Variants in ATP7B observed in about 807,000 individuals in gnomAD.
The protein encoded by ATP7B is ATPase copper transporting beta, also known as copper-transporting ATPase 2.
ATP7B carries 113 observed loss-of-function variants against 118.9 expected under a neutral mutation model. That is an observed-to-expected ratio of 0.95 (90% CI 0.82 to 1.11). The LOEUF (loss-of-function observed/expected upper bound fraction) is 1.11. Ranked by LOEUF, ATP7B falls within the 50% of genes most tolerant of loss-of-function variation. ATP7B has a pLI of 0.00. For synonymous variants in ATP7B, 777 were observed against 727.4 expected, an observed-to-expected ratio of 1.07 and a Z score of -1.10; for missense variants, 1,867 against 1,871.4, an observed-to-expected ratio of 1.00 and a Z score of 0.04.
At position 51,937,634 on chromosome 13, in the gene ATP7B, C is replaced by T; in HGVS notation, c.3745G>A (p.Val1249Met). Residue 1249 changes from valine (V) to methionine (M), a missense_variant, in exon 18 of 21, where the codon GTG (valine) becomes ATG (methionine). Physicochemically the swap from Val to Met is conservative, Grantham distance 21. Transcript: ENST00000242839. ...VFAEVLPSHK[V>M]AKVQELQNKG... ...TTCTGGAGCTCCTGGACCTTGGCCA[C>T]CTTGTGCGAAGGCAGCACCTCTGCA... The T allele has an allele frequency of 6.2e-7, 1 of 1,614,270 alleles. No homozygotes were observed. The highest frequency in any genetic ancestry group is 2.2e-5 in the East Asian group (1 of 44,886).
Position 51,946,332 on chromosome 13 carries a change from C to T in ATP7B, c.3012G>A (p.Gln1004=). 6.2e-7 allele frequency: 1 copy of T among 1,607,680 alleles called. No homozygotes were observed. The highest frequency in any genetic ancestry group is 8.5e-7 in the Non-Finnish European group (1 of 1,177,534). The change falls in exon 13 of 21, where the codon CAG becomes CAA. Residue 1004 remains glutamine, a synonymous_variant. Transcript: ENST00000242839. ...AVMVGTGVAA[Q]NGILIKGGKP... is the part of the protein sequence containing the mutation. ...TGCCTCCCTTGATGAGGATGCCGTT[C>T]TGCGCGGCCACCCCGGTGCCCACCA...
At chr13:51,980,463 G>A (rs1234556133) in intron 1 of ATP7B, among the ~76,000 whole-genome samples, 1 of 152,162 alleles carries the variant, frequency 6.6e-6, no homozygotes, top group African/African-American at 2.4e-5. Context: ...TTTGCTGAGA[G>A]TGCCAGGGCT....
At chr13:51,949,117 T>C (rs1055908304) in intron 12 of ATP7B, among the ~76,000 whole-genome samples, 2 of 151,778 alleles carry the variant, frequency 1.3e-5, no homozygotes, top group Non-Finnish European at 2.9e-5. Context: ...GAGGTGGAGG[T>C]TGCAGTGAAC....
Position 51,940,148 on chromosome 13 carries a change from G to T in ATP7B, c.3556+933C>A, listed in dbSNP as rs187468038. ...CTGCCTCAGCCTCCCAAGTAGCTGGGATTAGAGGCATGCGCCACCACACCC... is the reference window on the plus strand; with the variant it reads ...CTGCCTCAGCCTCCCAAGTAGCTGGTATTAGAGGCATGCGCCACCACACCC... On this transcript the variant is annotated intron_variant, in intron 16 of 20. Coordinates refer to ENST00000242839, the MANE Select transcript of ATP7B (RefSeq NM_000053.4). Among the ~76,000 whole-genome samples, 516 of 150,482 alleles carry T rather than the reference G, an allele frequency of 3.4e-3. 4 individuals carry two copies. Among genetic ancestry groups the T allele is most frequent in the African/African-American group, 0.01 (433 of 41,242 alleles).
chr13:51,939,149 C>T lies in ATP7B; in HGVS notation c.3601G>A (p.Glu1201Lys). 6.2e-7 allele frequency: 1 copy of T among 1,614,230 alleles called. No homozygotes were observed. The highest frequency in any genetic ancestry group is 8.5e-7 in the Non-Finnish European group (1 of 1,180,048). The change falls in exon 17 of 21, where the codon GAG (glutamate) becomes AAG (lysine). Residue 1201 changes from glutamate (E) to lysine (K), a missense_variant. Coordinates refer to ENST00000242839, the MANE Select transcript of ATP7B (RefSeq NM_000053.4). ...AGCGTGTGCACAGCCAGGGCAGCCTCCTGCTTGACAGCGTCTGCGATTGCG... is the reference window on the plus strand; with the variant it reads ...AGCGTGTGCACAGCCAGGGCAGCCTTCTGCTTGACAGCGTCTGCGATTGCG... ...MIAIADAVKQ[E>K]AALAVHTLQS...
Position 51,970,617 on chromosome 13 carries a change from T to G in ATP7B, c.1418A>C (p.Asp473Ala). 6.2e-7 allele frequency: 1 copy of G among 1,614,150 alleles called. No individual in the cohort carries two copies. The highest frequency in any genetic ancestry group is 8.5e-7 in the Non-Finnish European group (1 of 1,180,034). Residue 473 changes from aspartate (D) to alanine (A), a missense_variant, in exon 3 of 21, where the codon GAC becomes GCC. Coordinates refer to ENST00000242839, the MANE Select transcript of ATP7B (RefSeq NM_000053.4). ...TGATTGTGGGGACTTTGCCAAGATG[T>G]CCGGGGCATGGTTTGCAGGGAGCCT... ...TGRLPANHAP[D>A]ILAKSPQSTR...
At position 51,965,045 on chromosome 13, in the gene ATP7B, G is replaced by A. The variant is rs764317828; in HGVS notation, c.1708-12C>T. On this transcript the variant is annotated splice_polypyrimidine_tract_variant and intron_variant, in intron 4 of 20. Transcript: ENST00000242839. ...GTCATCCCTGTGATCTGCAACACAG[G>A]ATGGCAAGAATCCCACAGACCCAGG... is the stretch of plus-strand genomic sequence containing the variant. The A allele has an allele frequency of 6.2e-7, 1 of 1,613,852 alleles. No homozygotes were observed. The highest frequency in any genetic ancestry group is 8.5e-7 in the Non-Finnish European group (1 of 1,179,994).
At chr13:51,985,819 TG>T in intron 1 of ATP7B, among the ~76,000 whole-genome samples, 1 of 152,306 alleles carries the variant, frequency 6.6e-6, no homozygotes, top group Middle Eastern at 3.4e-3. Flanking sequence ...GAATGACTAC[TG>T]GGTAAATAAT....
At chr13:52,005,426 C>A (rs1953718936) in intron 1 of ATP7B, among the ~76,000 whole-genome samples, 1 of 152,200 alleles carries the variant, frequency 6.6e-6, no homozygotes, top group Non-Finnish European at 1.5e-5. Context: ...CATTAGGGCA[C>A]AGACACAACT....
intron 1 of ATP7B, 51 bp downstream of exon 1, chr13:52,011,236 C>T: frequency 1.2e-6 from 2 of 1,614,024 alleles, no homozygotes; most frequent in Non-Finnish European, 1.7e-6. Context: ...GGAGGAAAAT[C>T]CTCCTGGTGG....
intron 1 of ATP7B, among the ~76,000 whole-genome samples, chr13:51,978,657 TTAAAA>T (rs1481430866): frequency 6.6e-6 from 1 of 152,236 alleles, no homozygotes; most frequent in African/African-American, 2.4e-5. Context: ...TATTCAGCTC[TTAAAA>T]TGAATGATGT....
intron 6 of ATP7B, among the ~76,000 whole-genome samples, chr13:51,961,245 C>T (rs1404102289): frequency 1.3e-5 from 2 of 151,942 alleles, no homozygotes; most frequent in African/African-American, 4.8e-5. Context: ...AGACTATGGG[C>T]CCCTCCGAGA....
intron 1 of ATP7B, among the ~76,000 whole-genome samples, chr13:51,999,355 AAGACTGAAACAACTAGCTC>A (rs1229649352): frequency 1.3e-5 from 2 of 152,278 alleles, no homozygotes; most frequent in Admixed American, 6.5e-5. Flanking sequence ...GCTGATCTCC[AAGACTGAAACAACTAGCTC>A]AGCAGGACTT....
Position 51,960,301 on chromosome 13 carries a change from G to A in ATP7B, c.1968C>T (p.Cys656=), listed in dbSNP as rs2139611953. The A allele has an allele frequency of 6.2e-7, 1 of 1,613,612 alleles. No individual in the cohort carries two copies. The change falls in exon 7 of 21, where the codon TGC becomes TGT. Residue 656 remains cysteine (C), a synonymous_variant. Transcript: ENST00000242839. ...TGACAGGGATGCCAAACACCAGGCT[G>A]CACAGGAAAGACTTCTTCCACCTGG... ...EIKQWKKSFL[C]SLVFGIPVMA...
chr13:51,938,946 G>A, intron 17 of ATP7B, 105 bp downstream of exon 17: 11 of 1,553,926 alleles, frequency 7.1e-6, no homozygotes, highest in Admixed American at 1.7e-5. Context: ...TCCAGCAAGG[G>A]AGAAAGAGCA....
At chr13:51,937,712 G>A (rs1957058008) in intron 17 of ATP7B, 33 bp from the exon 18 acceptor site, 17 of 1,609,662 alleles carry the variant, frequency 1.1e-5, no homozygotes, top group Non-Finnish European at 1.4e-5. Context: ...CCTAGTGTTG[G>A]CAAAAGGTAT....
intron 1 of ATP7B, among the ~76,000 whole-genome samples, chr13:51,990,366 T>C (rs994777972): frequency 1.3e-5 from 2 of 152,156 alleles, no homozygotes; most frequent in African/African-American, 4.8e-5. Context: ...CTCAATATTC[T>C]TCTATAGAGA....
Position 51,934,487 on chromosome 13 carries a change from T to C in ATP7B, c.*269A>G, listed in dbSNP as rs1489464722. 3 of 532,692 alleles carry C rather than the reference T, an allele frequency of 5.6e-6. No homozygotes were observed. Among genetic ancestry groups the C allele is most frequent in the Non-Finnish European group, 1.0e-5 (3 of 294,598 alleles). The allele number at this position is 532,692 out of a possible 1,614,324, so 33.0% of individuals were successfully genotyped here. ...GAGGAGGGTGACTCGCCTCTCACCT[T>C]CTACAGTCCAGCCAAGGACTAGAGT... is the stretch of plus-strand genomic sequence containing the variant. On this transcript the variant is annotated 3_prime_UTR_variant, in exon 21 of 21. Coordinates refer to ENST00000242839, the MANE Select transcript of ATP7B (RefSeq NM_000053.4).
intron 1 of ATP7B, among the ~76,000 whole-genome samples, chr13:51,997,715 G>T (rs529411937): frequency 2.0e-5 from 3 of 152,266 alleles, no homozygotes; most frequent in South Asian, 4.1e-4. Context: ...GGATTACAAG[G>T]GGCAGAAAAT....
Sources: gnomAD v4.1 joint callset for allele counts (sites outside exome capture counted in the v4.1 genomes callset) on GRCh38, gnomAD v4.1.1 for gene constraint, MANE v1.5 for transcripts, NCBI Gene and HGNC (gene_info 2026-07-23, HGNC 2026-07-21) for gene names.